PRPSAP1: variants seen among roughly 807,000 people sequenced by gnomAD.
PRPSAP1 encodes the protein phosphoribosyl pyrophosphate synthase-associated protein 1.
Under a neutral mutation model 39.4 loss-of-function variants are expected in PRPSAP1, and 31 were observed. That is an observed-to-expected ratio of 0.79 (90% CI 0.59 to 1.06). PRPSAP1 has a LOEUF of 1.06. PRPSAP1 is among the 50% of genes least tolerant of loss of function. The pLI is 0.00. For missense variants in PRPSAP1, 430 were observed against 511.6 expected, an observed-to-expected ratio of 0.84 and a Z score of 1.54; for synonymous variants, 212 against 192.6, an observed-to-expected ratio of 1.10 and a Z score of -0.83.
chr17:76,323,153 C>T (rs2071215245), intron 7 of PRPSAP1, among the ~76,000 whole-genome samples: 2 of 109,472 alleles, frequency 1.8e-5, no homozygotes, highest in African/African-American at 4.2e-5. Context: ...ATCAGCCTGG[C>T]CAACATGGTG....
intron 2 of PRPSAP1, chr17:76,345,744 G>A (rs1163032456): frequency 4.4e-6 from 1 of 227,234 alleles, no homozygotes; most frequent in African/African-American, 2.3e-5. Flanking sequence ...GTATGAAGAA[G>A]AGGAAGCGAG....
chr17:76,317,027 T>TAG (rs1246010507), intron 7 of PRPSAP1, among the ~76,000 whole-genome samples: 1 of 152,266 alleles, frequency 6.6e-6, no homozygotes, highest in Non-Finnish European at 1.5e-5. Flanking sequence ...TGTCTATTTC[T>TAG]AGTTCAATGA....
At chr17:76,329,758 C>A (rs2071300321) in intron 6 of PRPSAP1, among the ~76,000 whole-genome samples, 2 of 150,742 alleles carry the variant, frequency 1.3e-5, no homozygotes, top group African/African-American at 4.9e-5. Context: ...AAAAAAAAAA[C>A]CATTGCTTGA....
chr17:76,353,182 G>A (rs1040360019), intron 1 of PRPSAP1: 2 of 222,166 alleles, frequency 9.0e-6, no homozygotes, highest in African/African-American at 4.6e-5. Flanking sequence ...TCCAGCCGTG[G>A]GAAAGGAAGC....
At position 76,339,898 on chromosome 17, in the gene PRPSAP1, G is replaced by A. The variant is rs569011493; in HGVS notation, c.290+4773C>T. The stretch of plus-strand genomic sequence containing the variant: ...TGTAATCCAAGCACCTCGGGAGGCC[G>A]GGGCAAGCAGATCAGCTGAGCTCAG... On this transcript the variant is annotated intron_variant, in intron 3 of 9. Transcript: ENST00000446526. Among the ~76,000 whole-genome samples, 25 of 151,760 alleles carry A rather than the reference G, an allele frequency of 1.6e-4. 1 individual carries two copies. Among genetic ancestry groups the A allele is most frequent in the South Asian group, 1.0e-3 (5 of 4,824 alleles).
chr17:76,332,178 G>C (rs1001090022), intron 4 of PRPSAP1, 85 bp downstream of exon 4: 3 of 1,437,838 alleles, frequency 2.1e-6, no homozygotes, highest in Admixed American at 3.9e-5. Flanking sequence ...ATCCCAGATT[G>C]GATATCTGAG....
At chr17:76,350,214 C>T (rs189662234) in intron 1 of PRPSAP1, among the ~76,000 whole-genome samples, 6 of 150,974 alleles carry the variant, frequency 4.0e-5, no homozygotes, top group East Asian at 2.0e-4. Flanking sequence ...CCGAGGCGGG[C>T]GGATCACGAG....
chr17:76,322,251 C>A lies in PRPSAP1; in HGVS notation c.781+6466G>T, dbSNP rs1338383585. 2.0e-5 allele frequency among the ~76,000 whole-genome samples: 3 copies of A among 152,058 alleles called. No homozygotes were observed. In the South Asian group the frequency reaches 6.2e-4, roughly 31 times the overall value. ...ATCTCTACTAAAAATACTAAATTAG[C>A]CAGGCGTGGTGGTGTACGCCTGTAA... On this transcript the variant is annotated intron_variant, in intron 7 of 9. Transcript: ENST00000446526.
intron 7 of PRPSAP1, among the ~76,000 whole-genome samples, chr17:76,315,655 T>C (rs1414198165): frequency 6.6e-6 from 1 of 151,184 alleles, no homozygotes; most frequent in African/African-American, 2.4e-5. Flanking sequence ...GAGATTCTGT[T>C]TTTAAATTAA....
At chr17:76,329,743 A>C (rs1015323862) in intron 6 of PRPSAP1, among the ~76,000 whole-genome samples, 15 of 152,256 alleles carry the variant, frequency 9.9e-5, no homozygotes, top group African/African-American at 3.1e-4. Flanking sequence ...TTCAAAAAAA[A>C]AACAAAAAAA....
At chr17:76,324,754 C>G (rs2071233839) in intron 7 of PRPSAP1, among the ~76,000 whole-genome samples, 1 of 151,898 alleles carries the variant, frequency 6.6e-6, no homozygotes, top group South Asian at 2.1e-4. Flanking sequence ...ACTCAGGAGG[C>G]TGAGGTATAA....
intron 9 of PRPSAP1, among the ~76,000 whole-genome samples, chr17:76,312,091 T>C (rs1269373759): frequency 6.6e-6 from 1 of 152,200 alleles, no homozygotes; most frequent in East Asian, 1.9e-4. Context: ...TCTCAACTTA[T>C]GACAGGGTTA....
At chr17:76,339,481 C>T (rs1191061331) in intron 3 of PRPSAP1, among the ~76,000 whole-genome samples, 1 of 151,820 alleles carries the variant, frequency 6.6e-6, no homozygotes, top group Non-Finnish European at 1.5e-5. Context: ...CCACACAAAA[C>T]AACACATCCA....
Position 76,353,846 on chromosome 17 carries a change from G to A in PRPSAP1, c.-143C>T. 1.5e-6 allele frequency: 2 copies of A among 1,376,918 alleles called. No individual in the cohort carries two copies. The highest frequency in any genetic ancestry group is 1.9e-6 in the Non-Finnish European group (2 of 1,073,152). 85.3% of individuals were successfully genotyped at this position (1,376,918 alleles called of 1,614,324 possible). A position where few individuals can be genotyped will look rare whatever the true frequency, so the allele number is the denominator to read the frequency against. ...AGAGCTCCGAGGTCCGTGCCCTTGC[G>A]CACCCCACACCACTGACTACAGCGG... On this transcript the variant is annotated 5_prime_UTR_variant, in exon 1 of 10. Transcript: ENST00000446526.
At position 76,324,502 on chromosome 17, in the gene PRPSAP1, G is replaced by C. The variant is rs551051740; in HGVS notation, c.781+4215C>G. 4.0e-5 allele frequency among the ~76,000 whole-genome samples: 6 copies of C among 151,846 alleles called. No individual in the cohort carries two copies. The South Asian group carries it at 1.3e-3, about 32-fold the overall frequency. ...ATAATCCCAGCTACTTAGGGAGGCC[G>C]AGGCAGGAGAATCACTTAAATCCAG... On this transcript the variant is annotated intron_variant, in intron 7 of 9. Transcript: ENST00000446526.
At chr17:76,313,726 G>C (rs2071092378) in intron 8 of PRPSAP1, 95 bp downstream of exon 8, 1 of 1,365,412 alleles carries the variant, frequency 7.3e-7, no homozygotes, top group African/African-American at 1.4e-5. Flanking sequence ...GATCCATTCG[G>C]ATCATCGTTC....
chr17:76,311,377 T>C lies in PRPSAP1; in HGVS notation c.*165A>G. 1.5e-6 allele frequency: 1 copy of C among 686,674 alleles called. No individual in the cohort carries two copies. The highest frequency in any genetic ancestry group is 2.3e-6 in the Non-Finnish European group (1 of 434,684). The allele number at this position is 686,674 out of a possible 1,614,324, so 42.5% of individuals were successfully genotyped here. On this transcript the variant is annotated 3_prime_UTR_variant, in exon 10 of 10. Coordinates refer to ENST00000446526, the MANE Select transcript of PRPSAP1 (RefSeq NM_002766.3). Reference sequence around the variant, plus strand: ...TGATATTTATCCATTAGCTCTGTCTTCTTCCTGACTCTTTTAATCCCTCCT... The same window carrying C: ...TGATATTTATCCATTAGCTCTGTCTCCTTCCTGACTCTTTTAATCCCTCCT...
rs34224576 is a variant in PRPSAP1, at chr17:76,328,814, G to A, written c.684C>T (p.His228=). ...CCAGTTCCGTGCACTGAGCTTCCCCGTGAATGACGGCCAAACCCAGACGCA... is the reference window on the plus strand; with the variant it reads ...CCAGTTCCGTGCACTGAGCTTCCCCATGAATGACGGCCAAACCCAGACGCA... ...ERLRLGLAVI[H]GEAQCTELDM... The change falls in exon 7 of 10, where the codon CAC becomes CAT. Residue 228 remains histidine (H), a synonymous_variant. Transcript: ENST00000446526. 1.3e-3 allele frequency: 2,094 copies of A among 1,614,096 alleles called. 21 individuals are homozygous for A. In the African/African-American group the frequency reaches 0.025, roughly 20 times the overall value.
intron 6 of PRPSAP1, 63 bp from the exon 7 acceptor site, chr17:76,328,925 C>T: frequency 6.7e-7 from 1 of 1,501,576 alleles, no homozygotes; most frequent in South Asian, 1.2e-5. Context: ...ACTACGGCAT[C>T]ATTTTTTAAC....
Sources: gnomAD v4.1 joint callset for allele counts (sites outside exome capture counted in the v4.1 genomes callset) on GRCh38, gnomAD v4.1.1 for gene constraint, MANE v1.5 for transcripts, NCBI Gene and HGNC (gene_info 2026-07-23, HGNC 2026-07-21) for gene names.